Variants in ANXA1 observed in about 807,000 individuals in gnomAD.
ANXA1 encodes the protein annexin I (lipocortin I).
ANXA1 carries 39 observed loss-of-function variants against 47.9 expected under a neutral mutation model. That is an observed-to-expected ratio of 0.81 (90% CI 0.63 to 1.06). ANXA1 has a LOEUF of 1.06. Ranked by LOEUF, ANXA1 falls within the 50% of genes least tolerant of loss-of-function variation. ANXA1 has a pLI of 0.00. For missense variants in ANXA1, 446 were observed against 422.7 expected, an observed-to-expected ratio of 1.06 and a Z score of -0.48; for synonymous variants, 146 against 142.5, an observed-to-expected ratio of 1.02 and a Z score of -0.17.
At chr9:73,169,339 T>C (rs1824286284) in intron 12 of ANXA1, among the ~76,000 whole-genome samples, 185 bp downstream of exon 12, 1 of 152,158 alleles carries the variant, frequency 6.6e-6, no homozygotes, top group South Asian at 2.1e-4. Flanking sequence ...AGTTCTCTAC[T>C]GAAATACTGG....
At chr9:73,162,183 C>T (rs1171452382) in intron 6 of ANXA1, among the ~76,000 whole-genome samples, 3 of 152,158 alleles carry the variant, frequency 2.0e-5, no homozygotes. Flanking sequence ...ACAGGCCCCA[C>T]CTTCAACAGT....
chr9:73,157,201 G>A (rs1824061571), intron 1 of ANXA1, among the ~76,000 whole-genome samples: 1 of 152,096 alleles, frequency 6.6e-6, no homozygotes, highest in South Asian at 2.1e-4. Context: ...GAAGAAATGT[G>A]AAGATAGCAA....
At position 73,160,902 on chromosome 9, in the gene ANXA1, T is replaced by C. The variant is rs552145347; in HGVS notation, c.475+9T>C. 2.5e-6 allele frequency: 4 copies of C among 1,577,128 alleles called. No individual in the cohort carries two copies. In the East Asian group the frequency reaches 6.7e-5, roughly 27 times the overall value. On this transcript the variant is annotated intron_variant, in intron 6 of 12. Transcript: ENST00000257497. ...CAGGGTCTACAGAGAGGGTAAGTTG[T>C]AATGTCCAACAGTCCAAACGCCTTA...
intron 1 of ANXA1, chr9:73,154,229 A>T: frequency 8.9e-7 from 1 of 1,122,916 alleles, no homozygotes; most frequent in South Asian, 1.3e-5. Flanking sequence ...TGAAATACAT[A>T]TTCGAGGAAA....
intron 6 of ANXA1, among the ~76,000 whole-genome samples, chr9:73,161,592 A>C (rs1824144054): frequency 6.6e-6 from 1 of 152,100 alleles, no homozygotes; most frequent in South Asian, 2.1e-4. Flanking sequence ...AATATATGGC[A>C]TATAGAAGAT....
At chr9:73,154,302 G>C (rs377458956) in intron 1 of ANXA1, 1 of 1,365,854 alleles carries the variant, frequency 7.3e-7, no homozygotes, top group African/African-American at 1.5e-5. Flanking sequence ...AACCTGCTAC[G>C]GTCTGCGCAA....
rs746783076 is a variant in ANXA1 at position 73,165,161 on chromosome 9, G to A, written c.658G>A (p.Val220Met). Residue 220 changes from valine (V) to methionine (M), a missense_variant, in exon 9 of 13, where the codon GTG becomes ATG. Val to Met is a conservative substitution (Grantham distance 21). Transcript: ENST00000257497. ...GERRKGTDVN[V>M]FNTILTTRSY... ...AAGGAGAAAGGGGACAGACGTAAACGTGTTCAATACCATCCTTACCACCAG... is the reference window on the plus strand; with the variant it reads ...AAGGAGAAAGGGGACAGACGTAAACATGTTCAATACCATCCTTACCACCAG... The A allele has an allele frequency of 1.7e-5, 28 of 1,612,678 alleles. No homozygotes were observed. The East Asian group carries it at 2.2e-4, about 13-fold the overall frequency.
At chr9:73,166,878 T>C (rs1226086615) in intron 10 of ANXA1, among the ~76,000 whole-genome samples, 2 of 152,180 alleles carry the variant, frequency 1.3e-5, no homozygotes, top group African/African-American at 4.8e-5. Context: ...TGAACTGGAA[T>C]GTGCTAGTAT....
At chr9:73,156,103 GAATAAT>G (rs370412684) in intron 1 of ANXA1, among the ~76,000 whole-genome samples, 8 of 140,130 alleles carry the variant, frequency 5.7e-5, no homozygotes, top group African/African-American at 1.6e-4. Flanking sequence ...GAAAAGAATG[GAATAAT>G]AATAATAATA....
At chr9:73,167,085 C>G (rs899218522) in intron 10 of ANXA1, among the ~76,000 whole-genome samples, 5 of 152,140 alleles carry the variant, frequency 3.3e-5, no homozygotes, top group Non-Finnish European at 7.4e-5. Flanking sequence ...AATGCCCCTT[C>G]TCTCCCTGCC....
intron 11 of ANXA1, chr9:73,168,262 A>T (rs967265966): frequency 6.6e-6 from 1 of 152,206 alleles, no homozygotes; most frequent in African/African-American, 2.4e-5. Flanking sequence ...TAGACATGCT[A>T]GGTACTGCTC....
At chr9:73,158,863 C>T in intron 3 of ANXA1, 60 bp downstream of exon 3, 1 of 1,348,222 alleles carries the variant, frequency 7.4e-7, no homozygotes, top group Non-Finnish European at 1.1e-6. Context: ...ATTTGAATGA[C>T]TGTCAAAAAA....
intron 4 of ANXA1, chr9:73,159,757 T>G (rs1339860561): frequency 1.2e-5 from 2 of 168,962 alleles, no homozygotes; most frequent in Admixed American, 1.2e-4. Flanking sequence ...AACTGTTTAA[T>G]GCCTAAATTT....
chr9:73,166,762 C>G lies in ANXA1; in HGVS notation c.802+570C>G, dbSNP rs1033054710. Among the ~76,000 whole-genome samples, 38 of 152,158 alleles carry G rather than the reference C, an allele frequency of 2.5e-4. 1 individual carries two copies. The highest frequency in any genetic ancestry group is 7.4e-5 in the Non-Finnish European group (5 of 68,012). The stretch of plus-strand genomic sequence containing the variant: ...TGGAAAGCTTGTTAAAATGCAGATT[C>G]TGATTCCCCAGGTCTGGGGTGGAGC... On this transcript the variant is annotated intron_variant, in intron 10 of 12. Transcript: ENST00000257497.
chr9:73,157,812 G>A (rs751673940), intron 1 of ANXA1: 1 of 151,860 alleles, frequency 6.6e-6, no homozygotes, highest in Non-Finnish European at 1.5e-5. Flanking sequence ...CATGATAAAG[G>A]ATGAATGGTC....
chr9:73,152,658 T>G (rs1306340404), intron 1 of ANXA1, among the ~76,000 whole-genome samples: 1 of 152,166 alleles, frequency 6.6e-6, no homozygotes, highest in East Asian at 1.9e-4. Context: ...TCAGATACAT[T>G]ATCCTAGGGG....
rs759031678 is a variant in ANXA1, at chr9:73,160,221, G to A, written c.271-42G>A. The A allele has an allele frequency of 9.3e-6, 13 of 1,390,638 alleles. No homozygotes were observed. In the Admixed American group the frequency reaches 2.9e-4, roughly 31 times the overall value. The allele number at this position is 1,390,638 out of a possible 1,614,324, so 86.1% of individuals were successfully genotyped here. A position where few individuals can be genotyped will look rare whatever the true frequency, so the allele number is the denominator to read the frequency against. ...AATATCACATTTTTTAACCTAGCAT[G>A]TTACTTATTGGAAGTCCTGATTCTA... On this transcript the variant is annotated intron_variant, in intron 4 of 12. Transcript: ENST00000257497.
In ANXA1 at chr9:73,165,171, C is replaced by T; in HGVS notation, c.668C>T (p.Thr223Ile). ...RKGTDVNVFN[T>I]ILTTRSYPQL... The stretch of plus-strand genomic sequence containing the variant: ...GGGACAGACGTAAACGTGTTCAATA[C>T]CATCCTTACCACCAGAAGCTATCCA... The change falls in exon 9 of 13, where the codon ACC (threonine) becomes ATC (isoleucine). Residue 223 changes from threonine to isoleucine, a missense_variant. By Grantham distance (89) the Thr-to-Ile change is moderately conservative. Transcript: ENST00000257497. 1 of 1,612,786 alleles carries T rather than the reference C, an allele frequency of 6.2e-7. No homozygotes were observed. Among genetic ancestry groups the T allele is most frequent in the Non-Finnish European group, 8.5e-7 (1 of 1,179,112 alleles).
At chr9:73,167,178 T>C (rs1203033394) in intron 10 of ANXA1, among the ~76,000 whole-genome samples, 2 of 152,138 alleles carry the variant, frequency 1.3e-5, no homozygotes, top group Non-Finnish European at 2.9e-5. Context: ...AGTATTTACA[T>C]AGGCTTGAAC....
Sources: gnomAD v4.1 joint callset for allele counts (sites outside exome capture counted in the v4.1 genomes callset) on GRCh38, gnomAD v4.1.1 for gene constraint, MANE v1.5 for transcripts, NCBI Gene and HGNC (gene_info 2026-07-23, HGNC 2026-07-21) for gene names.